FARS2: variants seen among roughly 807,000 people sequenced by gnomAD.
FARS2 encodes phenylalanyl-tRNA synthetase 2, mitochondrial.
Under a neutral mutation model 46.4 loss-of-function variants are expected in FARS2, and 40 were observed. The observed-to-expected ratio is 0.86, with a 90% CI of 0.67 to 1.12. FARS2 has a LOEUF of 1.12. Among genes scored for constraint, FARS2 ranks in the 50% most tolerant of loss-of-function variants. The probability of loss-of-function intolerance (pLI) is 0.00; values close to 1 mark genes in which losing one functional copy is unlikely to be tolerated. For synonymous variants in FARS2, 234 were observed against 214.9 expected, an observed-to-expected ratio of 1.09 and a Z score of -0.78; for missense variants, 513 against 567.9, an observed-to-expected ratio of 0.90 and a Z score of 0.98.
At chr6:5,715,116 T>G (rs1224116995) in intron 6 of FARS2, among the ~76,000 whole-genome samples, 2 of 152,202 alleles carry the variant, frequency 1.3e-5, no homozygotes, top group Admixed American at 1.3e-4. Context: ...CAACTTCATT[T>G]AACTCGTGCA....
intron 2 of FARS2, among the ~76,000 whole-genome samples, chr6:5,377,889 C>T (rs1759485359): frequency 6.6e-6 from 1 of 152,048 alleles, no homozygotes; most frequent in African/African-American, 2.4e-5. Flanking sequence ...TTATCTTAGT[C>T]CCTATAATGT....
chr6:5,748,214 C>A (rs1172432920), intron 6 of FARS2, among the ~76,000 whole-genome samples: 4 of 152,192 alleles, frequency 2.6e-5, no homozygotes, highest in Non-Finnish European at 5.9e-5. Flanking sequence ...TCCCCTTCAC[C>A]CTTTCCCACT....
chr6:5,452,454 G>GT (rs1764552611), intron 4 of FARS2: 1 of 152,278 alleles, frequency 6.6e-6, no homozygotes, highest in African/African-American at 2.4e-5. Context: ...AGGAACTGTT[G>GT]AATGTGCCAT....
Position 5,613,264 on chromosome 6 carries a change from A to C in FARS2, c.1161A>C (p.Thr387=). 1 of 1,613,684 alleles carries C rather than the reference A, an allele frequency of 6.2e-7. No homozygotes were observed. The highest frequency in any genetic ancestry group is 1.7e-5 in the Admixed American group (1 of 59,992). Residue 387 remains threonine (T), a synonymous_variant, in exon 6 of 7, where the codon ACA becomes ACC. Coordinates refer to ENST00000274680, the MANE Select transcript of FARS2 (RefSeq NM_006567.5). ...ATGATTTCTATGACTTAGTCCGAAC[A>C]ATTGGAGGAGACCTGGTGGAAAAGG... ...AENDFYDLVR[T]IGGDLVEKVD...
At chr6:5,458,118 A>G (rs1451876721) in intron 4 of FARS2, 2 of 153,100 alleles carry the variant, frequency 1.3e-5, no homozygotes, top group Admixed American at 6.5e-5. Context: ...GTCTGCTCCC[A>G]TGGCCAAGTC....
intron 6 of FARS2, among the ~76,000 whole-genome samples, chr6:5,743,234 T>G (rs544478793): frequency 7.2e-5 from 11 of 152,238 alleles, no homozygotes; most frequent in South Asian, 2.1e-4. Context: ...TCTCTAAAAT[T>G]CTATTGATGG....
chr6:5,369,585 T>A (rs1315968006), intron 2 of FARS2, among the ~76,000 whole-genome samples: 9 of 152,182 alleles, frequency 5.9e-5, no homozygotes, highest in Non-Finnish European at 1.2e-4. Context: ...TTATATTTTC[T>A]TGCTGTTAGA....
chr6:5,535,380 CTA>C (rs1770130590), intron 4 of FARS2, among the ~76,000 whole-genome samples: 1 of 152,060 alleles, frequency 6.6e-6, no homozygotes, highest in African/African-American at 2.4e-5. Flanking sequence ...CTGAATTTGT[CTA>C]TTAGTTTAGA....
At chr6:5,485,067 C>T (rs1766695088) in intron 4 of FARS2, among the ~76,000 whole-genome samples, 1 of 152,106 alleles carries the variant, frequency 6.6e-6, no homozygotes, top group South Asian at 2.1e-4. Context: ...AAGCCCATGG[C>T]CTTAGCTATT....
intron 4 of FARS2, among the ~76,000 whole-genome samples, chr6:5,539,908 C>G (rs1021895400): frequency 2.0e-5 from 3 of 152,180 alleles, no homozygotes; most frequent in African/African-American, 7.2e-5. Flanking sequence ...GGTGCTCCCT[C>G]TGCTCCGTCT....
chr6:5,356,783 T>G lies in FARS2; in HGVS notation c.-21-11767T>G, dbSNP rs537553349. On this transcript the variant is annotated intron_variant, in intron 1 of 6. Transcript: ENST00000274680. ...AGCAGCGCTTCACTGTTTGCTAATT[T>G]AGCGGTCATAGCAACTTTATAGACT... Among the ~76,000 whole-genome samples, 16 of 152,364 alleles carry G rather than the reference T, an allele frequency of 1.1e-4. No homozygotes were observed. The South Asian group carries it at 3.1e-3, about 30-fold the overall frequency.
chr6:5,499,473 T>A (rs1186013513), intron 4 of FARS2, among the ~76,000 whole-genome samples: 2 of 152,216 alleles, frequency 1.3e-5, no homozygotes, highest in Non-Finnish European at 2.9e-5. Flanking sequence ...AGGTTTGATT[T>A]CTGTTTTCAG....
chr6:5,423,869 A>G (rs1196283079), intron 3 of FARS2, among the ~76,000 whole-genome samples: 1 of 152,092 alleles, frequency 6.6e-6, no homozygotes, highest in Non-Finnish European at 1.5e-5. Context: ...AGTGTAGGTC[A>G]TGAATGACTT....
At chr6:5,561,636 A>T (rs1771990211) in intron 5 of FARS2, among the ~76,000 whole-genome samples, 1 of 151,446 alleles carries the variant, frequency 6.6e-6, no homozygotes, top group African/African-American at 2.4e-5. Context: ...TTTGGTTTGG[A>T]TTTGTTTTGG....
At chr6:5,263,477 C>T (rs1765336778) in intron 1 of FARS2, among the ~76,000 whole-genome samples, 1 of 152,082 alleles carries the variant, frequency 6.6e-6, no homozygotes, top group Non-Finnish European at 1.5e-5. Context: ...ATAATCATTC[C>T]GTAGCTACAT....
intron 3 of FARS2, among the ~76,000 whole-genome samples, chr6:5,423,223 C>T (rs930787790): frequency 3.3e-5 from 5 of 152,036 alleles, no homozygotes; most frequent in Admixed American, 6.6e-5. Context: ...TGCTGTGGCT[C>T]TGCCTGAGGC....
chr6:5,591,760 A>G (rs78574911), intron 5 of FARS2, among the ~76,000 whole-genome samples: 6,276 of 152,260 alleles, frequency 0.041, 410 homozygotes, highest in African/African-American at 0.14. Flanking sequence ...CTCCCAACAG[A>G]TCATGATTGC....
At chr6:5,534,157 G>A (rs1269830315) in intron 4 of FARS2, among the ~76,000 whole-genome samples, 2 of 152,216 alleles carry the variant, frequency 1.3e-5, no homozygotes, top group Admixed American at 6.5e-5. Flanking sequence ...AGAGACAGAT[G>A]TGGTGATGAG....
chr6:5,264,286 T>C (rs944144664), intron 1 of FARS2, among the ~76,000 whole-genome samples: 2 of 152,168 alleles, frequency 1.3e-5, no homozygotes, highest in East Asian at 3.9e-4. Flanking sequence ...AAAGAAATTA[T>C]TCTATTCTAC....
Sources: allele counts gnomAD v4.1 joint callset (sites outside exome capture counted in the v4.1 genomes callset), GRCh38; gene constraint gnomAD v4.1.1; transcripts MANE v1.5; gene names NCBI Gene and HGNC (gene_info 2026-07-23, HGNC 2026-07-21).